Variants in TEX2 observed in about 807,000 individuals in gnomAD.
The protein encoded by TEX2 is testis expressed 2.
In TEX2, 53 loss-of-function variants were observed where a neutral mutation model predicts 106.9. That is an observed-to-expected ratio of 0.50 (90% CI 0.40 to 0.62). The LOEUF (loss-of-function observed/expected upper bound fraction) is 0.62, where lower values mean the gene tolerates loss of function less well. TEX2 is among the 20% of genes least tolerant of loss of function. TEX2 has a pLI of 0.00. For missense variants in TEX2, 1,207 were observed against 1,379.0 expected (o/e 0.88, Z 1.98); for synonymous variants, 523 against 534.8 (o/e 0.98, Z 0.30).
At chr17:64,162,138 C>G (rs796804888) in intron 7 of TEX2, among the ~76,000 whole-genome samples, 3 of 152,264 alleles carry the variant, frequency 2.0e-5, no homozygotes, top group African/African-American at 7.2e-5. Flanking sequence ...ATATGGAGAT[C>G]AATTGTGATT....
In TEX2 at chr17:64,154,834, C is replaced by T; in HGVS notation, c.2930+8G>A. 1 of 1,588,540 alleles carries T rather than the reference C, an allele frequency of 6.3e-7. No homozygotes were observed. Among genetic ancestry groups the T allele is most frequent in the Non-Finnish European group, 8.6e-7 (1 of 1,167,794 alleles). On this transcript the variant is annotated splice_region_variant and intron_variant, in intron 9 of 11. Coordinates refer to ENST00000584379, the MANE Select transcript of TEX2 (RefSeq NM_001288732.2). ...GACTCAGAGGCACAGAAGCACTGAT[C>T]CACTCACCCTTCAGCCCCTGGGAGG...
chr17:64,150,803 T>C lies in TEX2; in HGVS notation c.3261+38A>G, dbSNP rs117025187. 5.1e-4 allele frequency: 811 copies of C among 1,591,336 alleles called. 7 individuals are homozygous for C. The East Asian group carries it at 0.016, about 31-fold the overall frequency. On this transcript the variant is annotated intron_variant, in intron 11 of 11. Transcript: ENST00000584379. ...ACCTCGGCTAAACCCAGAGCTTCTA[T>C]ACTTGGTGTGAAATACTAGATAACA...
At chr17:64,206,208 C>T (rs74993101) in intron 2 of TEX2, among the ~76,000 whole-genome samples, 10,210 of 152,250 alleles carry the variant, frequency 0.067, 461 homozygotes, top group Non-Finnish European at 0.096. Flanking sequence ...TAGACAGTCA[C>T]CCAACATAAG....
Position 64,213,069 on chromosome 17 carries a change from T to C in TEX2, c.1149A>G (p.Lys383=), listed in dbSNP as rs781938586. ...CCTTCAGACTGCTCCCCTGGGAACT[T>C]TTCAGTTCTATCTCTCTTGTGGGCT... ...TGEPTREIEL[K]SSQGSSLKDL... The change falls in exon 2 of 12, where the codon AAA becomes AAG. Residue 383 remains lysine (K), a synonymous_variant. Transcript: ENST00000584379. The surrounding 1 kb of genome is among the most constrained non-coding windows in gnomAD (Gnocchi z 4.4). 7 of 1,614,222 alleles carry C rather than the reference T, an allele frequency of 4.3e-6. No individual in the cohort carries two copies. Among genetic ancestry groups the C allele is most frequent in the Admixed American group, 3.3e-5 (2 of 60,026 alleles).
chr17:64,239,150 C>T (rs1320272590), intron 1 of TEX2: 7 of 152,190 alleles, frequency 4.6e-5, no homozygotes, highest in African/African-American at 1.7e-4. Flanking sequence ...TAGACAACTC[C>T]TTTTACCAAT....
At position 64,239,546 on chromosome 17, in the gene TEX2, T is replaced by A. The variant is rs1290609912; in HGVS notation, c.-26+23622A>T. 2.0e-5 allele frequency among the ~76,000 whole-genome samples: 3 copies of A among 152,084 alleles called. No individual in the cohort carries two copies. In the East Asian group the frequency reaches 5.8e-4, roughly 29 times the overall value. ...AACGATGAATAAACTAAGCTTAACTTACAAAAAAATTTTCAAAAGCAACTT... is the reference window on the plus strand; with the variant it reads ...AACGATGAATAAACTAAGCTTAACTAACAAAAAAATTTTCAAAAGCAACTT... On this transcript the variant is annotated intron_variant, in intron 1 of 11. Transcript: ENST00000584379.
At chr17:64,242,582 A>C (rs1470775358) in intron 1 of TEX2, among the ~76,000 whole-genome samples, 1 of 152,152 alleles carries the variant, frequency 6.6e-6, no homozygotes, top group Admixed American at 6.5e-5. Flanking sequence ...TGCCACCAAG[A>C]GGACTGCAGT....
At chr17:64,236,491 G>A (rs1024887581) in intron 1 of TEX2, among the ~76,000 whole-genome samples, 13 of 152,154 alleles carry the variant, frequency 8.5e-5, no homozygotes, top group African/African-American at 3.1e-4. Flanking sequence ...CTGAGCCCAG[G>A]TTGACACTGC....
intron 6 of TEX2, among the ~76,000 whole-genome samples, chr17:64,171,999 A>G (rs868650444): frequency 2.0e-5 from 3 of 151,508 alleles, no homozygotes; most frequent in South Asian, 2.1e-4. Flanking sequence ...AAAAAAAGAA[A>G]AGAAGAGAAA....
At position 64,213,691 on chromosome 17, in the gene TEX2, C is replaced by T. The variant is rs782359424; in HGVS notation, c.527G>A (p.Ser176Asn). ...ACTGGAAAGGGTGGAGGTTGAGGCACTGGATGAGAGGATGGGAGACTTAGA... is the reference window on the plus strand; with the variant it reads ...ACTGGAAAGGGTGGAGGTTGAGGCATTGGATGAGAGGATGGGAGACTTAGA... The part of the protein sequence containing the change: ...SPSKSPILSS[S>N]ASTSTLSSAK... The change falls in exon 2 of 12, where the codon AGT becomes AAT. Residue 176 changes from serine to asparagine, a missense_variant. Ser to Asn is a conservative substitution (Grantham distance 46, BLOSUM62 1). This residue lies in a region of TEX2 where 1,067 missense variants were observed against 1,193.6 expected (regional missense o/e 0.89). Coordinates refer to ENST00000584379, the MANE Select transcript of TEX2 (RefSeq NM_001288732.2). This position sits in a 1 kb window ranked among gnomAD's most constrained non-coding sequence, Gnocchi z 4.4. 8 of 1,613,982 alleles carry T rather than the reference C, an allele frequency of 5.0e-6. No homozygotes were observed. In the African/African-American group the frequency reaches 9.3e-5, roughly 19 times the overall value.
Position 64,195,029 on chromosome 17 carries a change from A to T in TEX2, c.1711T>A (p.Phe571Ile), listed in dbSNP as rs983549937. 6.2e-7 allele frequency: 1 copy of T among 1,614,068 alleles called. No homozygotes were observed. The highest frequency in any genetic ancestry group is 1.7e-5 in the Admixed American group (1 of 60,000). ...AAGGTTCCACCCTCAAGTCGAACAA[A>T]GACTGAATGTGTCAAAGTCGCATGG... Reference protein sequence around the residue: ...TYHATLTHSVFVRLEGGTLRL... With the variant: ...TYHATLTHSVIVRLEGGTLRL... Residue 571 changes from phenylalanine (F) to isoleucine (I), a missense_variant, in exon 3 of 12, where the codon TTT becomes ATT. This residue lies in a region of TEX2 where 1,067 missense variants were observed against 1,193.6 expected (regional missense o/e 0.89). Coordinates refer to ENST00000584379, the MANE Select transcript of TEX2 (RefSeq NM_001288732.2). The surrounding 1 kb of genome is among the most constrained non-coding windows in gnomAD (Gnocchi z 4.1).
chr17:64,245,378 ACAGAG>A (rs1278037456), intron 1 of TEX2, among the ~76,000 whole-genome samples: 1 of 152,218 alleles, frequency 6.6e-6, no homozygotes, highest in Non-Finnish European at 1.5e-5. Context: ...AAAAGCACAT[ACAGAG>A]CAGAGATCCT....
chr17:64,162,771 C>T (rs2030946383), intron 7 of TEX2, among the ~76,000 whole-genome samples: 1 of 152,206 alleles, frequency 6.6e-6, no homozygotes, highest in African/African-American at 2.4e-5. Flanking sequence ...AGTTTCTTCA[C>T]TTCTGTGCCA....
At chr17:64,246,898 T>C (rs2033998239) in intron 1 of TEX2, among the ~76,000 whole-genome samples, 1 of 152,278 alleles carries the variant, frequency 6.6e-6, no homozygotes, top group Middle Eastern at 3.4e-3. Flanking sequence ...GACCCCCTTT[T>C]CTTGCTGCAG....
intron 1 of TEX2, among the ~76,000 whole-genome samples, chr17:64,224,826 G>T (rs1567954957): frequency 6.6e-6 from 1 of 152,170 alleles, no homozygotes. Context: ...TTTATAGATT[G>T]CTAGATGGCT....
intron 1 of TEX2, among the ~76,000 whole-genome samples, chr17:64,256,538 AC>A (rs1420064975): frequency 2.0e-5 from 3 of 150,286 alleles, no homozygotes; most frequent in Non-Finnish European, 4.5e-5. Context: ...TCTGCCCAAG[AC>A]CCCCAGTTGC....
At chr17:64,165,725 C>T (rs563184130) in intron 7 of TEX2, among the ~76,000 whole-genome samples, 29 of 152,122 alleles carry the variant, frequency 1.9e-4, no homozygotes, top group South Asian at 8.3e-4. Context: ...GGTAGTGGAT[C>T]CTGGTAGGAT....
At chr17:64,176,120 G>A (rs1250758337) in intron 6 of TEX2, among the ~76,000 whole-genome samples, 1 of 152,136 alleles carries the variant, frequency 6.6e-6, no homozygotes, top group Non-Finnish European at 1.5e-5. Flanking sequence ...GCTGACACCT[G>A]TCAACAGAGC....
At chr17:64,232,332 T>C (rs2033677366) in intron 1 of TEX2, among the ~76,000 whole-genome samples, 1 of 152,228 alleles carries the variant, frequency 6.6e-6, no homozygotes. Flanking sequence ...CAACCTCTTT[T>C]TTTTCTGTCC....
Sources: allele counts gnomAD v4.1 joint callset (sites outside exome capture counted in the v4.1 genomes callset), GRCh38; gene constraint gnomAD v4.1.1; regional missense constraint gnomAD v4.1.1; non-coding constraint Gnocchi (gnomAD v3.1); transcripts MANE v1.5; gene names NCBI Gene and HGNC (gene_info 2026-07-23, HGNC 2026-07-21).